Variants in HERC1 observed in about 807,000 individuals in gnomAD.
The protein encoded by HERC1 is probable E3 ubiquitin-protein ligase HERC1.
Under a neutral mutation model 554.3 loss-of-function variants are expected in HERC1, and 160 were observed. The observed-to-expected ratio is 0.29, with a 90% CI of 0.25 to 0.33. The LOEUF (loss-of-function observed/expected upper bound fraction) is 0.33. HERC1 is among the 10% of genes least tolerant of loss of function. The pLI is 1.00. For synonymous variants in HERC1, 2,175 were observed against 2,131.7 expected (o/e 1.02, Z -0.56); for missense variants, 4,919 against 5,918.5 (o/e 0.83, Z 5.54).
At chr15:63,764,455 ACAG>A (rs1223599462) in intron 2 of HERC1, among the ~76,000 whole-genome samples, 1 of 152,230 alleles carries the variant, frequency 6.6e-6, no homozygotes, top group African/African-American at 2.4e-5. Flanking sequence ...TCCAAGGGAC[ACAG>A]GGCTCTCGAA....
intron 59 of HERC1, 40 bp downstream of exon 59, chr15:63,642,917 C>G (rs776407602): frequency 1.1e-5 from 13 of 1,209,148 alleles, no homozygotes; most frequent in Non-Finnish European, 1.6e-5. Context: ...AAGTTCCTTA[C>G]AAGCTTACAC....
Position 63,648,096 on chromosome 15 carries a change from T to G in HERC1, c.10851A>C (p.Gly3617=). Residue 3617 remains glycine (G), a synonymous_variant, in exon 55 of 78, where the codon GGA becomes GGC. Coordinates refer to ENST00000443617, the MANE Select transcript of HERC1 (RefSeq NM_003922.4). Reference sequence around the variant, plus strand: ...TATGTGCATCAATTAGAACAATGCCTCCTTTCTCAAGTGGTTCCTTTGTTC... The same window carrying G: ...TATGTGCATCAATTAGAACAATGCCGCCTTTCTCAAGTGGTTCCTTTGTTC... ...LLGTKEPLEK[G]GIVLIDAHKD... The G allele has an allele frequency of 6.4e-7, 1 of 1,563,444 alleles. No homozygotes were observed. The highest frequency in any genetic ancestry group is 1.7e-4 in the Middle Eastern group (1 of 6,006).
At position 63,782,910 on chromosome 15, in the gene HERC1, A is replaced by C. The variant is rs186901156; in HGVS notation, c.-26-7261T>G. Among the ~76,000 whole-genome samples the C allele has an allele frequency of 2.5e-3, 377 of 152,346 alleles. 1 individual carries two copies. Among genetic ancestry groups the C allele is most frequent in the Middle Eastern group, 0.01 (3 of 294 alleles). On this transcript the variant is annotated intron_variant, in intron 1 of 77. Transcript: ENST00000443617. ...CTGCAGACGTGGTGGAAATAGCAAGAGAAGTAGAATTAGAAGTGGAGCCCG... is the reference window on the plus strand; with the variant it reads ...CTGCAGACGTGGTGGAAATAGCAAGCGAAGTAGAATTAGAAGTGGAGCCCG...
At chr15:63,631,318 A>C (rs1440809726) in intron 68 of HERC1, among the ~76,000 whole-genome samples, 1 of 151,996 alleles carries the variant, frequency 6.6e-6, no homozygotes, top group Non-Finnish European at 1.5e-5. Context: ...CCTAACTTCC[A>C]CTGTCTCCAC....
chr15:63,690,774 T>G, intron 31 of HERC1, 127 bp from the exon 32 acceptor site: 1 of 631,602 alleles, frequency 1.6e-6, no homozygotes. Flanking sequence ...TTTCAAACTA[T>G]TATCGCAAGA....
intron 68 of HERC1, 136 bp from the exon 69 acceptor site, chr15:63,630,771 G>C: frequency 1.3e-6 from 1 of 780,290 alleles, no homozygotes; most frequent in Non-Finnish European, 1.9e-6. Context: ...GGCTAAAGCT[G>C]CTATTCTGGA....
At chr15:63,670,511 G>C (rs7181135) in intron 39 of HERC1, among the ~76,000 whole-genome samples, 19,318 of 152,168 alleles carry the variant, frequency 0.13, 1,341 homozygotes, top group African/African-American at 0.17. Flanking sequence ...TCTACTAAAT[G>C]ATGTTCGCCC....
Position 63,694,933 on chromosome 15 carries a change from C to A in HERC1, c.5122-39G>T. On this transcript the variant is annotated intron_variant, in intron 27 of 77. Coordinates refer to ENST00000443617, the MANE Select transcript of HERC1 (RefSeq NM_003922.4). The surrounding 1 kb of genome is among the most constrained non-coding windows in gnomAD (Gnocchi z 4.3). ...AAAGAATTACTTTTTCTATTAGCAA[C>A]AATAATACCTGCTTGCAAAAAGAAG... 1 of 1,572,464 alleles carries A rather than the reference C, an allele frequency of 6.4e-7. No individual in the cohort carries two copies. Among genetic ancestry groups the A allele is most frequent in the South Asian group, 1.2e-5 (1 of 86,218 alleles).
chr15:63,738,423 ATAC>A (rs2074638646), intron 12 of HERC1, among the ~76,000 whole-genome samples: 1 of 152,202 alleles, frequency 6.6e-6, no homozygotes, highest in Non-Finnish European at 1.5e-5. Flanking sequence ...TATTAAACCA[ATAC>A]TAATTTATTT....
At chr15:63,664,164 T>A (rs920142553) in intron 43 of HERC1, among the ~76,000 whole-genome samples, 1 of 152,174 alleles carries the variant, frequency 6.6e-6, no homozygotes, top group African/African-American at 2.4e-5. Context: ...TAAACATGCA[T>A]CATCACTTCT....
In HERC1 at chr15:63,677,702, A is replaced by G; in HGVS notation, c.7070+143T>C. 1 of 1,368,424 alleles carries G rather than the reference A, an allele frequency of 7.3e-7. No homozygotes were observed. The highest frequency in any genetic ancestry group is 9.8e-7 in the Non-Finnish European group (1 of 1,022,142). The allele number at this position is 1,368,424 out of a possible 1,614,324, so 84.8% of individuals were successfully genotyped here. Reference sequence around the variant, plus strand: ...AAATTCTCCTTTAAGAAATTACAGTAGAAACATCTAGCTGCATGAGAAATA... The same window carrying G: ...AAATTCTCCTTTAAGAAATTACAGTGGAAACATCTAGCTGCATGAGAAATA... On this transcript the variant is annotated intron_variant, in intron 37 of 77. Coordinates refer to ENST00000443617, the MANE Select transcript of HERC1 (RefSeq NM_003922.4). This position sits in a 1 kb window ranked among gnomAD's most constrained non-coding sequence, Gnocchi z 4.4.
intron 47 of HERC1, 140 bp downstream of exon 47, chr15:63,659,596 G>C: frequency 3.0e-6 from 2 of 675,018 alleles, no homozygotes; most frequent in Non-Finnish European, 2.5e-6. Context: ...TAAAACAACT[G>C]GCTAAAGAGA....
rs757945370 is a variant in HERC1 at position 63,713,890 on chromosome 15, C to T, written c.4151-225G>A. ...ATTACATTAGGAAATACTAATCTGC[C>T]TTTACAGAATTTTAATGTAATCACA... is the stretch of plus-strand genomic sequence containing the variant. On this transcript the variant is annotated intron_variant, in intron 22 of 77. Transcript: ENST00000443617. 2.4e-4 allele frequency: 104 copies of T among 440,538 alleles called. 1 individual carries two copies. The highest frequency in any genetic ancestry group is 1.6e-3 in the Admixed American group (42 of 26,862). 27.3% of individuals were successfully genotyped at this position (440,538 alleles called of 1,614,324 possible). A position where few individuals can be genotyped will look rare whatever the true frequency, so the allele number is the denominator to read the frequency against.
At position 63,696,181 on chromosome 15, in the gene HERC1, T is replaced by C; in HGVS notation, c.5064A>G (p.Leu1688=). Reference sequence around the variant, plus strand: ...TGCCTCCTGTGTGTCCAACAGTGCCTAAACCAAAACACCCTGCTAGGAACT... The same window carrying C: ...TGCCTCCTGTGTGTCCAACAGTGCCCAAACCAAAACACCCTGCTAGGAACT... The part of the protein sequence containing the change: ...RLQFLAGCFG[L]GTVGHTGGKG... The change falls in exon 27 of 78, where the codon TTA becomes TTG. Residue 1688 remains leucine (L), a synonymous_variant. Transcript: ENST00000443617. The C allele has an allele frequency of 6.2e-7, 1 of 1,613,714 alleles. No individual in the cohort carries two copies.
intron 1 of HERC1, among the ~76,000 whole-genome samples, chr15:63,781,052 G>GA (rs2076274145): frequency 1.3e-5 from 2 of 152,012 alleles, no homozygotes; most frequent in Non-Finnish European, 2.9e-5. Flanking sequence ...AATGCAAACA[G>GA]AAAAAGTATC....
chr15:63,613,944 AC>A (rs1269980426), intron 76 of HERC1, among the ~76,000 whole-genome samples: 2 of 152,252 alleles, frequency 1.3e-5, no homozygotes, highest in Non-Finnish European at 2.9e-5. Flanking sequence ...CCAAACGAAA[AC>A]AAAAACGAAC....
chr15:63,697,732 G>A (rs2072504386), intron 26 of HERC1, among the ~76,000 whole-genome samples: 1 of 152,176 alleles, frequency 6.6e-6, no homozygotes, highest in Non-Finnish European at 1.5e-5. Context: ...TGGGATTACA[G>A]GAGTGAGCCA....
chr15:63,633,797 G>A, intron 67 of HERC1, 51 bp downstream of exon 67: 4 of 1,569,898 alleles, frequency 2.5e-6, no homozygotes, highest in Middle Eastern at 1.7e-4. Context: ...TACTGACATA[G>A]ATGAAAACTA....
Position 63,775,558 on chromosome 15 carries a change from T to C in HERC1, c.66A>G (p.Thr22=), listed in dbSNP as rs1374433252. Residue 22 remains threonine, a synonymous_variant, in exon 2 of 78, where the codon ACA becomes ACG. Transcript: ENST00000443617. This position sits in a 1 kb window ranked among gnomAD's most constrained non-coding sequence, Gnocchi z 4.0. The part of the protein sequence containing the change: ...WLEHLNSSWI[T]EDSESIATRE... ...TTGTAGCAATAGATTCACTGTCCTC[T>C]GTAATCCAGGAGCTGTTCAAGTGTT... The C allele has an allele frequency of 5.6e-6, 9 of 1,613,384 alleles. No homozygotes were observed. Among genetic ancestry groups the C allele is most frequent in the African/African-American group, 4.0e-5 (3 of 74,916 alleles).
Sources: allele counts gnomAD v4.1 joint callset (sites outside exome capture counted in the v4.1 genomes callset), GRCh38; gene constraint gnomAD v4.1.1; non-coding constraint Gnocchi (gnomAD v3.1); transcripts MANE v1.5; gene names NCBI Gene and HGNC (gene_info 2026-07-23, HGNC 2026-07-21).